The following COL24A1 variants were observed in gnomAD, a reference collection of about 807,000 sequenced individuals.
COL24A1 encodes the protein collagen type XXIV alpha 1 chain.
Under a neutral mutation model 253.9 loss-of-function variants are expected in COL24A1, and 224 were observed. The observed-to-expected ratio is 0.88, with a 90% CI of 0.79 to 0.99. COL24A1 has a LOEUF of 0.99. COL24A1 is among the 50% of genes least tolerant of loss of function. COL24A1 has a pLI of 0.00. For missense variants in COL24A1, 2,131 were observed against 2,068.5 expected (o/e 1.03, Z -0.59); for synonymous variants, 685 against 673.7 (o/e 1.02, Z -0.26).
intron 7 of COL24A1, among the ~76,000 whole-genome samples, chr1:86,088,818 C>A (rs1249508875): frequency 1.3e-5 from 2 of 152,166 alleles, no homozygotes; most frequent in East Asian, 3.8e-4. Flanking sequence ...AGAAGTAGGT[C>A]ATTTCCCTAA....
At chr1:85,909,511 C>T (rs1360426764) in intron 26 of COL24A1, among the ~76,000 whole-genome samples, 3 of 151,756 alleles carry the variant, frequency 2.0e-5, no homozygotes, top group African/African-American at 4.8e-5. Flanking sequence ...ATTCTAAGCT[C>T]TCATATGTCA....
At chr1:85,814,000 T>A (rs1167287031) in intron 47 of COL24A1, among the ~76,000 whole-genome samples, 1 of 152,176 alleles carries the variant, frequency 6.6e-6, no homozygotes, top group East Asian at 1.9e-4. Flanking sequence ...ACTAGACTAC[T>A]CTTTGCTTGG....
chr1:85,737,072 A>G (rs1429672420), intron 58 of COL24A1, among the ~76,000 whole-genome samples: 2 of 152,166 alleles, frequency 1.3e-5, no homozygotes, highest in Admixed American at 1.3e-4. Context: ...GGTTACAAAC[A>G]CTAGCTGTTT....
At chr1:86,106,371 T>C (rs1000856253) in intron 5 of COL24A1, among the ~76,000 whole-genome samples, 7 of 152,084 alleles carry the variant, frequency 4.6e-5, no homozygotes, top group Non-Finnish European at 1.0e-4. Context: ...GCTAGATGTT[T>C]TCATTTAACT....
At chr1:85,829,722 T>C (rs1674923166) in intron 43 of COL24A1, among the ~76,000 whole-genome samples, 1 of 152,098 alleles carries the variant, frequency 6.6e-6, no homozygotes, top group Non-Finnish European at 1.5e-5. Flanking sequence ...CATGGCCTCC[T>C]GAGGCTTCTG....
At chr1:86,144,924 G>C (rs1651665935) in intron 2 of COL24A1, among the ~76,000 whole-genome samples, 1 of 152,112 alleles carries the variant, frequency 6.6e-6, no homozygotes, top group Non-Finnish European at 1.5e-5. Context: ...TTAAGAGAGA[G>C]AGTTTTTCTC....
At chr1:86,132,964 C>T (rs920567404) in intron 2 of COL24A1, among the ~76,000 whole-genome samples, 5 of 151,902 alleles carry the variant, frequency 3.3e-5, no homozygotes, top group South Asian at 4.2e-4. Context: ...GGCAGTATGG[C>T]CCTTTTTCAC....
At chr1:86,087,639 T>C (rs900833759) in intron 7 of COL24A1, among the ~76,000 whole-genome samples, 6 of 152,222 alleles carry the variant, frequency 3.9e-5, no homozygotes, top group Non-Finnish European at 8.8e-5. Context: ...TAGGATGCAA[T>C]AACTGTATAT....
In COL24A1 at chr1:85,786,477, A is replaced by G. The variant is rs590227; in HGVS notation, c.3952-16T>C. ...CTCTGATGCCCTAAATAACACAGAT[A>G]AGAAATGAAAACTGGGAAAGTTTCT... is the stretch of plus-strand genomic sequence containing the variant. On this transcript the variant is annotated splice_polypyrimidine_tract_variant and intron_variant, in intron 47 of 59. Transcript: ENST00000370571. 6.3e-7 allele frequency: 1 copy of G among 1,598,426 alleles called. No individual in the cohort carries two copies. The highest frequency in any genetic ancestry group is 8.5e-7 in the Non-Finnish European group (1 of 1,172,800).
At chr1:86,074,220 C>G (rs1365492300) in intron 7 of COL24A1, among the ~76,000 whole-genome samples, 3 of 152,092 alleles carry the variant, frequency 2.0e-5, no homozygotes, top group Admixed American at 6.5e-5. Flanking sequence ...GGAGACAAAT[C>G]TCATGTGCAA....
rs368190129 is a variant in COL24A1 at position 85,935,650 on chromosome 1, C to G, written c.2563-24217G>C. On this transcript the variant is annotated intron_variant, in intron 24 of 59. Coordinates refer to ENST00000370571, the MANE Select transcript of COL24A1 (RefSeq NM_152890.7). The stretch of plus-strand genomic sequence containing the variant: ...AAAGCAGGGATGATGTCTGTATTAT[C>G]TTCTGTATCCCAGGCAGTAGGCATA... Among the ~76,000 whole-genome samples, 16 of 147,548 alleles carry G rather than the reference C, an allele frequency of 1.1e-4. 1 individual carries two copies. In the East Asian group the frequency reaches 3.0e-3, roughly 28 times the overall value.
chr1:85,855,468 T>C (rs1678314272), intron 37 of COL24A1, among the ~76,000 whole-genome samples: 1 of 152,170 alleles, frequency 6.6e-6, no homozygotes, highest in African/African-American at 2.4e-5. Flanking sequence ...ATTGAGATGA[T>C]CATGTGTTTT....
intron 24 of COL24A1, among the ~76,000 whole-genome samples, chr1:85,954,642 A>T (rs1690251580): frequency 6.6e-6 from 1 of 152,220 alleles, no homozygotes; most frequent in Non-Finnish European, 1.5e-5. Context: ...TTTTTATCAT[A>T]TTCAGGTAAA....
intron 32 of COL24A1, among the ~76,000 whole-genome samples, chr1:85,882,424 A>T (rs927731226): frequency 2.0e-5 from 3 of 152,176 alleles, no homozygotes; most frequent in African/African-American, 7.2e-5. Context: ...GAGATCGGCC[A>T]CTGCACTCCA....
At chr1:85,763,468 T>C (rs374295761) in intron 53 of COL24A1, among the ~76,000 whole-genome samples, 1 of 150,640 alleles carries the variant, frequency 6.6e-6, no homozygotes, top group East Asian at 2.0e-4. Flanking sequence ...ACCATGATTG[T>C]CTCTGTTAAT....
intron 7 of COL24A1, among the ~76,000 whole-genome samples, chr1:86,080,551 A>G (rs1702561080): frequency 1.3e-5 from 2 of 152,110 alleles, no homozygotes; most frequent in Non-Finnish European, 2.9e-5. Context: ...CCCCATGAAT[A>G]TATACACTTA....
intron 19 of COL24A1, among the ~76,000 whole-genome samples, chr1:86,011,157 A>G (rs1420497306): frequency 6.7e-6 from 1 of 148,866 alleles, no homozygotes; most frequent in Non-Finnish European, 1.5e-5. Flanking sequence ...TTATACTTTT[A>G]ATATGAGTTT....
intron 55 of COL24A1, among the ~76,000 whole-genome samples, chr1:85,748,556 C>G (rs561985467): frequency 5.7e-4 from 86 of 152,048 alleles, no homozygotes; most frequent in Middle Eastern, 6.8e-3. Flanking sequence ...GGAACAGCTC[C>G]GGTCTACAGC....
chr1:85,858,656 C>CTTCCTTCCTTCCTTCCTTCCT (rs1678768704), intron 37 of COL24A1, among the ~76,000 whole-genome samples: 2 of 149,160 alleles, frequency 1.3e-5, no homozygotes, highest in African/African-American at 4.9e-5. Flanking sequence ...TCCTTCCTTC[C>CTTCCTTCCTTCCTTCCTTCCT]TTCCTTCCTT....
Sources: allele counts gnomAD v4.1 joint callset (sites outside exome capture counted in the v4.1 genomes callset), GRCh38; gene constraint gnomAD v4.1.1; transcripts MANE v1.5; gene names NCBI Gene and HGNC (gene_info 2026-07-23, HGNC 2026-07-21).